Variants in SPTA1 observed in about 807,000 individuals in gnomAD.
SPTA1 encodes the protein spectrin alpha chain, erythrocytic 1.
SPTA1 carries 177 observed loss-of-function variants against 324.7 expected under a neutral mutation model. The observed-to-expected ratio is 0.55, with a 90% confidence interval of 0.48 to 0.62. The LOEUF is 0.62. Ranked by LOEUF, SPTA1 falls within the 20% of genes least tolerant of loss-of-function variation. The pLI is 0.00. For missense variants in SPTA1, 3,162 were observed against 2,883.6 expected (o/e 1.10, Z -2.21); for synonymous variants, 1,195 against 1,041.3 (o/e 1.15, Z -2.84).
At chr1:158,629,073 A>G (rs550614521) in intron 39 of SPTA1, among the ~76,000 whole-genome samples, 92 of 152,112 alleles carry the variant, frequency 6.0e-4, no homozygotes, top group African/African-American at 2.0e-3. Context: ...ACACCTTCGC[A>G]AAGTCAGCAT....
chr1:158,663,633 C>T (rs1653401201), intron 16 of SPTA1, among the ~76,000 whole-genome samples: 1 of 152,132 alleles, frequency 6.6e-6, no homozygotes. Context: ...TATACCTGGC[C>T]TGGCAGACAC....
chr1:158,660,735 G>A (rs1313389773), intron 18 of SPTA1, among the ~76,000 whole-genome samples: 1 of 152,194 alleles, frequency 6.6e-6, no homozygotes, highest in East Asian at 1.9e-4. Context: ...GAAAATCCCA[G>A]TGTAATCTGC....
Position 158,620,160 on chromosome 1 carries a change from T to G in SPTA1, c.6417+10A>C, listed in dbSNP as rs972913510. 6.2e-7 allele frequency: 1 copy of G among 1,613,990 alleles called. No individual in the cohort carries two copies. Among genetic ancestry groups the G allele is most frequent in the Non-Finnish European group, 8.5e-7 (1 of 1,180,024 alleles). On this transcript the variant is annotated intron_variant, in intron 44 of 51. Transcript: ENST00000643759. ...TAGTGAAAGGAAGTTTCTGCCGTGTTCCAGGTTACCTCAATGATGTCAGAT... is the reference window on the plus strand; with the variant it reads ...TAGTGAAAGGAAGTTTCTGCCGTGTGCCAGGTTACCTCAATGATGTCAGAT...
intron 39 of SPTA1, among the ~76,000 whole-genome samples, chr1:158,633,771 G>A (rs1246040797): frequency 6.6e-6 from 1 of 152,062 alleles, no homozygotes; most frequent in African/African-American, 2.4e-5. Flanking sequence ...ATGTGCAGTG[G>A]GGTGCACATG....
At chr1:158,652,146 C>G (rs1652489861) in intron 23 of SPTA1, among the ~76,000 whole-genome samples, 2 of 152,286 alleles carry the variant, frequency 1.3e-5, no homozygotes, top group Middle Eastern at 3.4e-3. Context: ...CATGGTACAA[C>G]AATACCTTAT....
chr1:158,660,985 T>C (rs913554861), intron 18 of SPTA1, among the ~76,000 whole-genome samples: 6 of 152,228 alleles, frequency 3.9e-5, no homozygotes, highest in African/African-American at 1.4e-4. Context: ...TAGGGCTTTG[T>C]AAATTAGATT....
intron 12 of SPTA1, 66 bp from the exon 13 acceptor site, chr1:158,669,852 T>C (rs1429620400): frequency 3.0e-5 from 45 of 1,517,668 alleles, no homozygotes; most frequent in Non-Finnish European, 3.0e-5. Context: ...GGCCATAGTT[T>C]GGGTAGCTGT....
At chr1:158,680,924 C>A (rs1275876073) in intron 4 of SPTA1, among the ~76,000 whole-genome samples, 195 bp from the exon 5 acceptor site, 1 of 152,134 alleles carries the variant, frequency 6.6e-6, no homozygotes, top group Non-Finnish European at 1.5e-5. Flanking sequence ...AGGGAAAGTG[C>A]TCTTTCGGGC....
At chr1:158,637,905 G>C in intron 36 of SPTA1, 128 bp downstream of exon 36, 1 of 1,132,156 alleles carries the variant, frequency 8.8e-7, no homozygotes, top group Non-Finnish European at 1.3e-6. Flanking sequence ...CTTAAGCTGA[G>C]GCAAACATGA....
In SPTA1 at chr1:158,614,620, G is replaced by A. The variant is rs72698798; in HGVS notation, c.6789-314C>T. ...TAAAGCTTTATTGGAACATGGCCAC[G>A]GTCATTCACTTATCATAGCTGCTTT... On this transcript the variant is annotated intron_variant, in intron 48 of 51. Coordinates refer to ENST00000643759, the MANE Select transcript of SPTA1 (RefSeq NM_003126.4). 67,268 of 273,522 alleles carry A rather than the reference G, an allele frequency of 0.25. 8,656 individuals carry two copies. The highest frequency in any genetic ancestry group is 0.27 in the Non-Finnish European group (39,877 of 145,616). 16.9% of individuals were successfully genotyped at this position (273,522 alleles called of 1,614,324 possible). A position where few individuals can be genotyped will look rare whatever the true frequency, so the allele number is the denominator to read the frequency against.
At chr1:158,637,870 T>C (rs1447273562) in intron 36 of SPTA1, among the ~76,000 whole-genome samples, 163 bp downstream of exon 36, 1 of 152,242 alleles carries the variant, frequency 6.6e-6, no homozygotes, top group African/African-American at 2.4e-5. Flanking sequence ...TAAGGGAATT[T>C]GGGAAAAATA....
chr1:158,613,892 A>C, intron 49 of SPTA1, 25 bp from the exon 50 acceptor site: 1 of 1,610,264 alleles, frequency 6.2e-7, no homozygotes, highest in Non-Finnish European at 8.5e-7. Context: ...AAGAAAAAAA[A>C]ATTTATCAAG....
rs1190838841 is a variant in SPTA1, at chr1:158,611,230, C to T, written c.*34G>A. 3 of 1,611,536 alleles carry T rather than the reference C, an allele frequency of 1.9e-6. No homozygotes were observed. In the Admixed American group the frequency reaches 5.0e-5, roughly 27 times the overall value. On this transcript the variant is annotated 3_prime_UTR_variant, in exon 52 of 52. Transcript: ENST00000643759. ...GCCCCCCAGTAAATTTCCCACGACA[C>T]TAAGATTTTCTACGATCCACGAGGA...
chr1:158,641,367 G>T (rs370950544), intron 33 of SPTA1, among the ~76,000 whole-genome samples: 1 of 152,026 alleles, frequency 6.6e-6, no homozygotes, highest in Non-Finnish European at 1.5e-5. Flanking sequence ...TCAGAGTGAA[G>T]AGGCAACCTA....
chr1:158,665,615 G>A (rs1166457529), intron 16 of SPTA1, among the ~76,000 whole-genome samples: 1 of 152,158 alleles, frequency 6.6e-6, no homozygotes, highest in South Asian at 2.1e-4. Context: ...ATAAGAGTCT[G>A]TTATGATGTT....
At chr1:158,630,486 A>G (rs1160424074) in intron 39 of SPTA1, among the ~76,000 whole-genome samples, 1 of 152,096 alleles carries the variant, frequency 6.6e-6, no homozygotes, top group African/African-American at 2.4e-5. Flanking sequence ...CCAAGAATCA[A>G]CTCAAAATTG....
chr1:158,623,817 G>A (rs1406332101), intron 42 of SPTA1, among the ~76,000 whole-genome samples: 1 of 152,204 alleles, frequency 6.6e-6, no homozygotes, highest in Non-Finnish European at 1.5e-5. Context: ...AGACTGGAGT[G>A]CTACTATAAA....
rs1179164908 is a variant in SPTA1 at position 158,619,343 on chromosome 1, C to T, written c.6418-9G>A. 1 of 1,613,860 alleles carries T rather than the reference C, an allele frequency of 6.2e-7. No homozygotes were observed. The highest frequency in any genetic ancestry group is 8.5e-7 in the Non-Finnish European group (1 of 1,179,754). On this transcript the variant is annotated splice_polypyrimidine_tract_variant and intron_variant, in intron 44 of 51. Coordinates refer to ENST00000643759, the MANE Select transcript of SPTA1 (RefSeq NM_003126.4). ...AGCTCCTGCTCCCGTTCCTAAAACC[C>T]CAAATCACAGACAACGTGACTGACA...
Position 158,639,909 on chromosome 1 carries a change from G to A in SPTA1, c.4836C>T (p.Phe1612=). The A allele has an allele frequency of 6.2e-7, 1 of 1,613,904 alleles. No individual in the cohort carries two copies. Among genetic ancestry groups the A allele is most frequent in the Non-Finnish European group, 8.5e-7 (1 of 1,179,902 alleles). ...ACTCAAAGTCCCGGATGCTTGTGTT[G>A]AACCTCTGTTGACGACTGGCCTCAT... ...KLNEASRQQR[F]NTSIRDFEFW... The change falls in exon 34 of 52, where the codon TTC becomes TTT. Residue 1612 remains phenylalanine (F), a synonymous_variant. Coordinates refer to ENST00000643759, the MANE Select transcript of SPTA1 (RefSeq NM_003126.4).
Sources: gnomAD v4.1 joint callset for allele counts (sites outside exome capture counted in the v4.1 genomes callset) on GRCh38, gnomAD v4.1.1 for gene constraint, MANE v1.5 for transcripts, NCBI Gene and HGNC (gene_info 2026-07-23, HGNC 2026-07-21) for gene names.